GRIK4: variants seen among roughly 807,000 people sequenced by gnomAD.
GRIK4 encodes glutamate ionotropic receptor kainate type subunit 4.
In GRIK4, 40 loss-of-function variants were observed where a neutral mutation model predicts 104.9. The observed-to-expected ratio is 0.38, with a 90% CI of 0.30 to 0.50. The LOEUF is 0.50. GRIK4 is among the 20% of genes least tolerant of loss of function. GRIK4 has a pLI of 0.93. For synonymous variants in GRIK4, 485 were observed against 524.9 expected, an observed-to-expected ratio of 0.92 and a Z score of 1.04; for missense variants, 1,047 against 1,308.1, an observed-to-expected ratio of 0.80 and a Z score of 3.08.
rs565399840 is a variant in GRIK4 at position 120,964,142 on chromosome 11, C to G, written c.2266+1461C>G. Reference sequence around the variant, plus strand: ...GAGTAGCTGGGACTACAGACGTGCACTACCACACCCAGCTAATTTTTGTAT... The same window carrying G: ...GAGTAGCTGGGACTACAGACGTGCAGTACCACACCCAGCTAATTTTTGTAT... On this transcript the variant is annotated intron_variant, in intron 18 of 20. Transcript: ENST00000527524. Among the ~76,000 whole-genome samples the G allele has an allele frequency of 1.3e-5, 2 of 152,134 alleles. 1 individual carries two copies. Among genetic ancestry groups the G allele is most frequent in the South Asian group, 4.2e-4 (2 of 4,802 alleles).
At chr11:120,973,949 C>G (rs867882314) in intron 19 of GRIK4, among the ~76,000 whole-genome samples, 2 of 152,012 alleles carry the variant, frequency 1.3e-5, no homozygotes, top group Non-Finnish European at 2.9e-5. Flanking sequence ...ATCCTGTTGC[C>G]CAGGCTGGAG....
At chr11:120,838,989 A>G (rs1953651463) in intron 8 of GRIK4, among the ~76,000 whole-genome samples, 1 of 151,970 alleles carries the variant, frequency 6.6e-6, no homozygotes, top group Admixed American at 6.6e-5. Flanking sequence ...GTTTCACAAC[A>G]TTGGCTAGGC....
chr11:120,627,142 C>T (rs1387265727), intron 1 of GRIK4, among the ~76,000 whole-genome samples: 1 of 152,228 alleles, frequency 6.6e-6, no homozygotes, highest in Non-Finnish European at 1.5e-5. Context: ...CCCACTTTAT[C>T]TACTGTTGGG....
At chr11:120,541,550 G>A (rs748863573) in intron 1 of GRIK4, among the ~76,000 whole-genome samples, 4 of 152,018 alleles carry the variant, frequency 2.6e-5, no homozygotes, top group Non-Finnish European at 4.4e-5. Context: ...GTGGAGTGCA[G>A]TGGTGTGACC....
intron 3 of GRIK4, among the ~76,000 whole-genome samples, chr11:120,709,305 G>A (rs1466990814): frequency 6.6e-6 from 1 of 151,734 alleles, no homozygotes; most frequent in Non-Finnish European, 1.5e-5. Flanking sequence ...TGGCAGTTCC[G>A]CTCACCTCCG....
intron 1 of GRIK4, among the ~76,000 whole-genome samples, chr11:120,533,155 A>G (rs367863748): frequency 5.3e-5 from 8 of 152,332 alleles, no homozygotes; most frequent in African/African-American, 1.9e-4. Context: ...CTGCATTTCA[A>G]TAAACAAGGA....
chr11:120,756,773 G>A (rs1951661079), intron 3 of GRIK4, among the ~76,000 whole-genome samples: 1 of 152,168 alleles, frequency 6.6e-6, no homozygotes. Flanking sequence ...TAAGTATAGG[G>A]GAGCATCCAG....
chr11:120,593,076 A>G (rs1948754860), intron 1 of GRIK4, among the ~76,000 whole-genome samples: 1 of 150,704 alleles, frequency 6.6e-6, no homozygotes, highest in Admixed American at 6.7e-5. Context: ...CCACCTACTC[A>G]GGAGGCTGAG....
intron 3 of GRIK4, among the ~76,000 whole-genome samples, chr11:120,700,120 T>G (rs1436489998): frequency 2.7e-5 from 4 of 150,838 alleles, no homozygotes; most frequent in Non-Finnish European, 4.5e-5. Flanking sequence ...CATGATCTCA[T>G]AGTTGGTTTT....
chr11:120,869,617 T>G (rs1954539337), intron 9 of GRIK4: 1 of 152,368 alleles, frequency 6.6e-6, no homozygotes, highest in Non-Finnish European at 1.5e-5. Flanking sequence ...GTGGGAATAG[T>G]GGCAACCGTG....
chr11:120,764,712 T>C (rs959776093), intron 3 of GRIK4, among the ~76,000 whole-genome samples: 1 of 152,202 alleles, frequency 6.6e-6, no homozygotes, highest in African/African-American at 2.4e-5. Context: ...CTTTTACTTA[T>C]GAAGCTTAGT....
chr11:120,821,361 C>G (rs1357893997), intron 6 of GRIK4, among the ~76,000 whole-genome samples: 1 of 152,022 alleles, frequency 6.6e-6, no homozygotes, highest in Non-Finnish European at 1.5e-5. Context: ...AGATGAGGAG[C>G]AAGAGAGGGA....
At chr11:120,805,581 A>G (rs1490517406) in intron 4 of GRIK4, among the ~76,000 whole-genome samples, 3 of 152,180 alleles carry the variant, frequency 2.0e-5, no homozygotes, top group African/African-American at 7.2e-5. Flanking sequence ...CAGTTTTTAC[A>G]TCTCAGTGTG....
At chr11:120,686,163 T>TA (rs79851667) in intron 3 of GRIK4, among the ~76,000 whole-genome samples, 8,225 of 151,942 alleles carry the variant, frequency 0.054, 441 homozygotes, top group African/African-American at 0.14. Context: ...GTTAGTTTCT[T>TA]AAAAAAAAGC....
At chr11:120,698,601 T>G (rs1042662343) in intron 3 of GRIK4, among the ~76,000 whole-genome samples, 3 of 152,256 alleles carry the variant, frequency 2.0e-5, no homozygotes, top group African/African-American at 7.2e-5. Flanking sequence ...TCACCTTTGT[T>G]CTGTCCTTCA....
intron 4 of GRIK4, among the ~76,000 whole-genome samples, chr11:120,812,185 G>C (rs1027997330): frequency 1.3e-4 from 20 of 152,314 alleles, no homozygotes; most frequent in Admixed American, 1.0e-3. Flanking sequence ...CCTGGCCCTT[G>C]ACCTGTAAAG....
chr11:120,553,500 G>A (rs1591690149), intron 1 of GRIK4, among the ~76,000 whole-genome samples: 2 of 152,322 alleles, frequency 1.3e-5, no homozygotes, highest in South Asian at 4.1e-4. Flanking sequence ...TGGAAAGAGA[G>A]GGGAACAAAA....
intron 6 of GRIK4, among the ~76,000 whole-genome samples, chr11:120,829,917 CAG>C (rs1303456565): frequency 6.6e-6 from 1 of 152,180 alleles, no homozygotes. Flanking sequence ...ATGGCGGCAG[CAG>C]AGAGTCTTTA....
At chr11:120,785,038 A>G (rs1012300396) in intron 3 of GRIK4, among the ~76,000 whole-genome samples, 4 of 149,192 alleles carry the variant, frequency 2.7e-5, no homozygotes, top group East Asian at 1.9e-4. Flanking sequence ...CACTAGACCT[A>G]TGAAGGCTCC....
Sources: allele counts gnomAD v4.1 joint callset (sites outside exome capture counted in the v4.1 genomes callset), GRCh38; gene constraint gnomAD v4.1.1; transcripts MANE v1.5; gene names NCBI Gene and HGNC (gene_info 2026-07-23, HGNC 2026-07-21).